RELN: variants seen among roughly 807,000 people sequenced by gnomAD.
RELN encodes the protein reelin.
A neutral mutation model predicts 427.6 loss-of-function variants in RELN; 108 were observed. The observed-to-expected ratio is 0.25, with a 90% CI of 0.22 to 0.30. RELN has a LOEUF of 0.30. RELN is among the 10% of genes least tolerant of loss of function. RELN has a pLI of 1.00. For synonymous variants in RELN, 1,524 were observed against 1,513.4 expected (o/e 1.01, Z -0.16); for missense variants, 3,715 against 4,302.8 (o/e 0.86, Z 3.82).
Position 103,670,308 on chromosome 7 carries a change from GTTTTCC to G in RELN, c.1290-8787_1290-8782del, listed in dbSNP as rs1425520031. 4.6e-5 allele frequency among the ~76,000 whole-genome samples: 7 copies of G among 151,980 alleles called. No homozygotes were observed. The South Asian group carries it at 1.2e-3, about 27-fold the overall frequency. On this transcript the variant is annotated intron_variant, in intron 11 of 64. Transcript: ENST00000428762. ...GTGTGCATACACATCTGATTATCTA[GTTTTCC>G]TTTTCCTTTTAGGAACTTACCTTTC...
intron 2 of RELN, among the ~76,000 whole-genome samples, chr7:103,900,962 GAA>G (rs59742395): frequency 1.3e-5 from 2 of 151,160 alleles, no homozygotes; most frequent in Non-Finnish European, 3.0e-5. Context: ...TCTTTGGGGT[GAA>G]AAAAAACTCC....
chr7:103,761,039 T>C (rs148441193), intron 4 of RELN, among the ~76,000 whole-genome samples: 5 of 152,312 alleles, frequency 3.3e-5, no homozygotes, highest in Admixed American at 6.5e-5. Context: ...GTATAAAAGA[T>C]TTCTTAATAT....
chr7:103,959,989 T>C (rs1253847184), intron 1 of RELN, among the ~76,000 whole-genome samples: 1 of 152,170 alleles, frequency 6.6e-6, no homozygotes, highest in Non-Finnish European at 1.5e-5. Flanking sequence ...AACCATAGTA[T>C]TACAAAAGCC....
At chr7:103,750,074 G>A (rs1471274345) in intron 5 of RELN, among the ~76,000 whole-genome samples, 1 of 152,156 alleles carries the variant, frequency 6.6e-6, no homozygotes, top group East Asian at 1.9e-4. Context: ...TAGTCTCCTG[G>A]GTTCAAGCAA....
rs771804551 is a variant in RELN at position 103,510,979 on chromosome 7, C to T, written c.8146G>A (p.Asp2716Asn). The part of the protein sequence containing the change: ...SVNEHWLFHD[D>N]CTVERFCDSP... Reference sequence around the variant, plus strand: ...TCACAGAATCTTTCTACTGTACAATCATCATGGAATAGCCAGTGCTCATTC... The same window carrying T: ...TCACAGAATCTTTCTACTGTACAATTATCATGGAATAGCCAGTGCTCATTC... Residue 2716 changes from aspartate (D) to asparagine (N), a missense_variant, in exon 51 of 65, where the codon GAT becomes AAT. Transcript: ENST00000428762. 15 of 1,613,596 alleles carry T rather than the reference C, an allele frequency of 9.3e-6. No individual in the cohort carries two copies. The highest frequency in any genetic ancestry group is 1.3e-5 in the African/African-American group (1 of 74,906).
At chr7:103,978,111 T>C (rs531391923) in intron 1 of RELN, among the ~76,000 whole-genome samples, 21 of 152,338 alleles carry the variant, frequency 1.4e-4, no homozygotes, top group African/African-American at 4.8e-4. Flanking sequence ...AGATTAAACA[T>C]CTTGATAAGA....
intron 3 of RELN, among the ~76,000 whole-genome samples, chr7:103,811,903 T>C (rs1252846636): frequency 6.6e-6 from 1 of 152,246 alleles, no homozygotes; most frequent in East Asian, 1.9e-4. Context: ...ATTATGAATC[T>C]ATCCAATGAA....
chr7:103,979,927 C>T (rs1389423307), intron 1 of RELN, among the ~76,000 whole-genome samples: 1 of 152,068 alleles, frequency 6.6e-6, no homozygotes, highest in Admixed American at 6.6e-5. Flanking sequence ...TTTGGGAGGC[C>T]GAGGTGGGCT....
intron 6 of RELN, among the ~76,000 whole-genome samples, chr7:103,739,531 C>T (rs1005522373): frequency 1.1e-4 from 17 of 152,282 alleles, no homozygotes; most frequent in Non-Finnish European, 1.9e-4. Flanking sequence ...CTCTTGGGTT[C>T]AATGGCACAT....
intron 60 of RELN, among the ~76,000 whole-genome samples, chr7:103,486,904 C>T (rs185824213): frequency 1.6e-3 from 248 of 152,260 alleles, no homozygotes; most frequent in African/African-American, 5.8e-3. Context: ...TCCCATTACT[C>T]GGTATATACC....
At chr7:103,694,047 C>A (rs1216959166) in intron 10 of RELN, among the ~76,000 whole-genome samples, 1 of 152,144 alleles carries the variant, frequency 6.6e-6, no homozygotes, top group Non-Finnish European at 1.5e-5. Flanking sequence ...AGTGTTTGGG[C>A]TGCACTTGCT....
rs529167355 is a variant in RELN at position 103,898,273 on chromosome 7, C to T, written c.337+18802G>A. 6.1e-4 allele frequency among the ~76,000 whole-genome samples: 93 copies of T among 152,024 alleles called. 1 individual carries two copies. Among genetic ancestry groups the T allele is most frequent in the African/African-American group, 2.0e-3 (85 of 41,516 alleles). On this transcript the variant is annotated intron_variant, in intron 2 of 64. Coordinates refer to ENST00000428762, the MANE Select transcript of RELN (RefSeq NM_005045.4). ...ATTATGCAGTAATCATTTTGTCCTA[C>T]CATTATTATTTAAAAATATTATTTT...
intron 3 of RELN, among the ~76,000 whole-genome samples, chr7:103,810,440 C>G (rs779850503): frequency 1.2e-4 from 19 of 152,218 alleles, no homozygotes; most frequent in Non-Finnish European, 2.5e-4. Flanking sequence ...TCAACTGGAA[C>G]CAGAGGAAGG....
intron 64 of RELN, among the ~76,000 whole-genome samples, chr7:103,474,280 G>A (rs1429269143): frequency 6.6e-6 from 1 of 151,622 alleles, no homozygotes; most frequent in Non-Finnish European, 1.5e-5. Flanking sequence ...CTAAAATATT[G>A]ATACAAAGAC....
At chr7:103,869,254 G>A (rs1213055682) in intron 2 of RELN, among the ~76,000 whole-genome samples, 1 of 151,964 alleles carries the variant, frequency 6.6e-6, no homozygotes, top group African/African-American at 2.4e-5. Context: ...ACATTTTAAT[G>A]TTGTTTTTCT....
intron 4 of RELN, among the ~76,000 whole-genome samples, chr7:103,765,137 G>A (rs1386532617): frequency 6.6e-6 from 1 of 152,180 alleles, no homozygotes; most frequent in African/African-American, 2.4e-5. Context: ...CGAAGTTCAG[G>A]ATGAAATACT....
rs1221418626 is a variant in RELN, at chr7:103,569,179, A to G, written c.4589-2420T>C. ...AAGCCAGCCTACATTTAGTAAGGAC[A>G]TTCAAGCAGCCTATGGACAGGTCTA... On this transcript the variant is annotated intron_variant, in intron 31 of 64. Coordinates refer to ENST00000428762, the MANE Select transcript of RELN (RefSeq NM_005045.4). This position sits in a 1 kb window ranked among gnomAD's most constrained non-coding sequence, Gnocchi z 4.0. Among the ~76,000 whole-genome samples, 7 of 152,256 alleles carry G rather than the reference A, an allele frequency of 4.6e-5. No homozygotes were observed.
intron 11 of RELN, among the ~76,000 whole-genome samples, chr7:103,667,031 AG>A (rs1243059275): frequency 6.6e-6 from 1 of 152,186 alleles, no homozygotes; most frequent in African/African-American, 2.4e-5. Context: ...CTTATTACTC[AG>A]GTTTTTAATT....
intron 3 of RELN, among the ~76,000 whole-genome samples, chr7:103,785,575 T>C (rs191536014): frequency 1.9e-3 from 291 of 152,280 alleles, no homozygotes; most frequent in Non-Finnish European, 3.4e-3. Flanking sequence ...TGTCTTACTT[T>C]CTTAATCTAT....
Sources: allele counts gnomAD v4.1 joint callset (sites outside exome capture counted in the v4.1 genomes callset), GRCh38; gene constraint gnomAD v4.1.1; non-coding constraint Gnocchi (gnomAD v3.1); transcripts MANE v1.5; gene names NCBI Gene and HGNC (gene_info 2026-07-23, HGNC 2026-07-21).